The following KCND2 variants were observed in gnomAD, a reference collection of about 807,000 sequenced individuals.
KCND2 encodes the protein potassium voltage-gated channel subfamily D member 2.
In KCND2, 16 loss-of-function variants were observed where a neutral mutation model predicts 54.4. The observed-to-expected ratio is 0.29, with a 90% CI of 0.20 to 0.45. KCND2 has a LOEUF of 0.45. KCND2 is among the 20% of genes least tolerant of loss of function. KCND2 has a pLI of 1.00. For synonymous variants in KCND2, 317 were observed against 310.7 expected, an observed-to-expected ratio of 1.02 and a Z score of -0.21; for missense variants, 486 against 824.2, an observed-to-expected ratio of 0.59 and a Z score of 5.02.
chr7:120,631,877 A>G (rs1056853711), intron 1 of KCND2, among the ~76,000 whole-genome samples: 1 of 152,196 alleles, frequency 6.6e-6, no homozygotes, highest in Non-Finnish European at 1.5e-5. Flanking sequence ...AAGGAATAAC[A>G]GAGAATGATT....
chr7:120,351,266 A>ATATC (rs1375713144), intron 1 of KCND2, among the ~76,000 whole-genome samples: 27 of 145,304 alleles, frequency 1.9e-4, no homozygotes, highest in East Asian at 3.9e-4. Context: ...ATATATATAT[A>ATATC]TCCAGTATAT....
rs77320947 is a variant in KCND2 at position 120,661,428 on chromosome 7, C to G, written c.1116-71475C>G. The stretch of plus-strand genomic sequence containing the variant: ...CTTTGGGAGGCCAAAGCAGATGGAT[C>G]ACCTGAAGTCAGGAGTTCAAGACCA... On this transcript the variant is annotated intron_variant, in intron 1 of 5. Coordinates refer to ENST00000331113, the MANE Select transcript of KCND2 (RefSeq NM_012281.3). Among the ~76,000 whole-genome samples, 1,335 of 152,128 alleles carry G rather than the reference C, an allele frequency of 8.8e-3. 25 individuals are homozygous for G. The highest frequency in any genetic ancestry group is 0.031 in the African/African-American group (1,273 of 41,492).
At chr7:120,727,674 G>C (rs1001375030) in intron 1 of KCND2, among the ~76,000 whole-genome samples, 3 of 152,154 alleles carry the variant, frequency 2.0e-5, no homozygotes, top group African/African-American at 7.2e-5. Flanking sequence ...TTATGCAAAA[G>C]GCACTTCCAT....
intron 1 of KCND2, among the ~76,000 whole-genome samples, chr7:120,420,061 G>T (rs1400247635): frequency 6.7e-5 from 10 of 150,256 alleles, no homozygotes; most frequent in Admixed American, 6.6e-4. Context: ...TTCCATGATG[G>T]CTCTGAATTT....
intron 1 of KCND2, among the ~76,000 whole-genome samples, chr7:120,526,079 CT>C (rs1286085155): frequency 6.6e-6 from 1 of 152,148 alleles, no homozygotes; most frequent in African/African-American, 2.4e-5. Context: ...AAGTCACTCC[CT>C]TTTATCTTGA....
rs115715439 is a variant in KCND2 at position 120,378,454 on chromosome 7, G to A, written c.1115+102707G>A. Among the ~76,000 whole-genome samples the A allele has an allele frequency of 9.5e-3, 1,448 of 151,976 alleles. 22 individuals carry two copies. The highest frequency in any genetic ancestry group is 0.033 in the African/African-American group (1,353 of 41,490). On this transcript the variant is annotated intron_variant, in intron 1 of 5. Transcript: ENST00000331113. The stretch of plus-strand genomic sequence containing the variant: ...GAAGTTTTTTTTCCATGAAATATTT[G>A]GTGGGAGTTAGGAATAAGCTGCAGA...
At chr7:120,278,612 T>C (rs1342056602) in intron 1 of KCND2, among the ~76,000 whole-genome samples, 1 of 151,600 alleles carries the variant, frequency 6.6e-6, no homozygotes, top group Non-Finnish European at 1.5e-5. Flanking sequence ...TAGACAATAT[T>C]CAGTTGGTTT....
At chr7:120,703,256 A>T (rs1359475573) in intron 1 of KCND2, among the ~76,000 whole-genome samples, 1 of 152,160 alleles carries the variant, frequency 6.6e-6, no homozygotes, top group Non-Finnish European at 1.5e-5. Flanking sequence ...ACAAAATCAT[A>T]GCTGCACCTA....
chr7:120,499,701 C>T (rs1210358567), intron 1 of KCND2, among the ~76,000 whole-genome samples: 2 of 152,084 alleles, frequency 1.3e-5, no homozygotes, highest in African/African-American at 4.8e-5. Flanking sequence ...TTTCAAGATC[C>T]AGCATACATG....
intron 1 of KCND2, among the ~76,000 whole-genome samples, chr7:120,567,047 G>T (rs150009362): frequency 2.2e-4 from 34 of 151,760 alleles, no homozygotes; most frequent in African/African-American, 8.2e-4. Flanking sequence ...TTTTTCATCA[G>T]AACATCTATT....
At chr7:120,406,166 T>C (rs1394644519) in intron 1 of KCND2, among the ~76,000 whole-genome samples, 1 of 151,996 alleles carries the variant, frequency 6.6e-6, no homozygotes, top group Non-Finnish European at 1.5e-5. Flanking sequence ...CTACCAATCG[T>C]TAAATAAAAT....
At chr7:120,597,034 A>G (rs561386586) in intron 1 of KCND2, among the ~76,000 whole-genome samples, 1 of 152,342 alleles carries the variant, frequency 6.6e-6, no homozygotes, top group African/African-American at 2.4e-5. Context: ...TTTCTGGCAC[A>G]CTTAAACTTA....
chr7:120,585,515 A>G (rs970425104), intron 1 of KCND2, among the ~76,000 whole-genome samples: 2 of 152,196 alleles, frequency 1.3e-5, no homozygotes, highest in African/African-American at 4.8e-5. Context: ...GCTTGGACAT[A>G]GTAGAGAAAG....
chr7:120,281,161 T>C (rs991397701), intron 1 of KCND2, among the ~76,000 whole-genome samples: 3 of 152,132 alleles, frequency 2.0e-5, no homozygotes, highest in Admixed American at 2.0e-4. Flanking sequence ...AAATATGCAA[T>C]TTAACTTCTC....
At chr7:120,704,765 T>C (rs751438795) in intron 1 of KCND2, among the ~76,000 whole-genome samples, 1 of 152,172 alleles carries the variant, frequency 6.6e-6, no homozygotes, top group Admixed American at 6.6e-5. Context: ...CCTTTTATCA[T>C]TGGAGCAACC....
rs541966071 is a variant in KCND2 at position 120,677,259 on chromosome 7, C to G, written c.1116-55644C>G. ...AAAAATCTGTGAATAAATGGAAATG[C>G]AAAGTATTTGCATGACTTACATCGG... On this transcript the variant is annotated intron_variant, in intron 1 of 5. Transcript: ENST00000331113. Among the ~76,000 whole-genome samples the G allele has an allele frequency of 2.6e-5, 4 of 152,220 alleles. No individual in the cohort carries two copies. The South Asian group carries it at 8.3e-4, about 32-fold the overall frequency.
At chr7:120,364,986 T>C (rs571156894) in intron 1 of KCND2, among the ~76,000 whole-genome samples, 1 of 152,096 alleles carries the variant, frequency 6.6e-6, no homozygotes, top group Non-Finnish European at 1.5e-5. Context: ...AGTTATCCAT[T>C]GTAAAAAGAA....
chr7:120,674,433 C>A (rs78842942), intron 1 of KCND2, among the ~76,000 whole-genome samples: 1,734 of 150,266 alleles, frequency 0.012, 81 homozygotes, highest in Admixed American at 0.085. Context: ...GTCTTTGTAT[C>A]CTGAGGGTCC....
intron 1 of KCND2, among the ~76,000 whole-genome samples, chr7:120,280,448 C>T (rs138444793): frequency 3.8e-4 from 57 of 151,994 alleles, no homozygotes; most frequent in African/African-American, 1.1e-3. Context: ...CTAGAGAAAA[C>T]GCTATTTTTA....
Sources: gnomAD v4.1 joint callset for allele counts (sites outside exome capture counted in the v4.1 genomes callset) on GRCh38, gnomAD v4.1.1 for gene constraint, MANE v1.5 for transcripts, NCBI Gene and HGNC (gene_info 2026-07-23, HGNC 2026-07-21) for gene names.